The following GRM7 variants were observed in gnomAD, a reference collection of about 807,000 sequenced individuals.
GRM7 encodes metabotropic glutamate receptor 7.
In GRM7, 35 loss-of-function variants were observed where a neutral mutation model predicts 84.5. The observed-to-expected ratio is 0.41, with a 90% confidence interval of 0.32 to 0.55. GRM7 has a LOEUF of 0.55. Ranked by LOEUF, GRM7 falls within the 20% of genes least tolerant of loss-of-function variation. The pLI, the probability that GRM7 is intolerant of heterozygous loss-of-function variation, is 0.19. For missense variants in GRM7, 1,003 were observed against 1,194.6 expected, an observed-to-expected ratio of 0.84 and a Z score of 2.36; for synonymous variants, 487 against 455.1, an observed-to-expected ratio of 1.07 and a Z score of -0.89.
intron 2 of GRM7, among the ~76,000 whole-genome samples, chr3:7,271,469 G>C (rs549890149): frequency 1.3e-5 from 2 of 150,448 alleles, no homozygotes; most frequent in Admixed American, 1.3e-4. Context: ...TGAGGCAGGA[G>C]AATGGCGTGA....
At chr3:7,728,167 C>G (rs1395374698) in intron 9 of GRM7, among the ~76,000 whole-genome samples, 1 of 152,120 alleles carries the variant, frequency 6.6e-6, no homozygotes, top group African/African-American at 2.4e-5. Context: ...GTAGCTCCAG[C>G]CTCAAGGATG....
rs114293196 is a variant in GRM7 at position 7,226,915 on chromosome 3, G to A, written c.737-71769G>A. On this transcript the variant is annotated intron_variant, in intron 2 of 9. Coordinates refer to ENST00000357716, the MANE Select transcript of GRM7 (RefSeq NM_000844.4). Reference sequence around the variant, plus strand: ...TTGAACCACACAAAGCCTAAGAATGGCATTGCTCTGATTTGCTCCCATAAA... The same window carrying A: ...TTGAACCACACAAAGCCTAAGAATGACATTGCTCTGATTTGCTCCCATAAA... Among the ~76,000 whole-genome samples, 627 of 152,214 alleles carry A rather than the reference G, an allele frequency of 4.1e-3. 10 individuals are homozygous for A. In the East Asian group the frequency reaches 0.053, roughly 13 times the overall value.
intron 2 of GRM7, among the ~76,000 whole-genome samples, chr3:7,184,290 C>A (rs1193946984): frequency 6.6e-6 from 1 of 152,136 alleles, no homozygotes; most frequent in Non-Finnish European, 1.5e-5. Context: ...CTTTCCTAGA[C>A]ATTGCCCCTA....
At chr3:7,028,921 A>G (rs1315108180) in intron 1 of GRM7, among the ~76,000 whole-genome samples, 1 of 152,244 alleles carries the variant, frequency 6.6e-6, no homozygotes, top group African/African-American at 2.4e-5. Flanking sequence ...GAAAAACTGG[A>G]ACCCTGTGCA....
At chr3:7,185,075 A>G (rs969175620) in intron 2 of GRM7, among the ~76,000 whole-genome samples, 9 of 152,214 alleles carry the variant, frequency 5.9e-5, no homozygotes, top group African/African-American at 2.2e-4. Flanking sequence ...TGGAAAGTCA[A>G]AATGGCTTGC....
At chr3:7,652,736 C>T (rs1699003111) in intron 8 of GRM7, among the ~76,000 whole-genome samples, 1 of 152,174 alleles carries the variant, frequency 6.6e-6, no homozygotes, top group Non-Finnish European at 1.5e-5. Context: ...TAAGCAAAAC[C>T]CATTTCAGTA....
At position 7,213,992 on chromosome 3, in the gene GRM7, G is replaced by C. The variant is rs565732971; in HGVS notation, c.736+67324G>C. On this transcript the variant is annotated intron_variant, in intron 2 of 9. Transcript: ENST00000357716. ...ACTTCTTGCTAAGTATCTCATTACT[G>C]GATATTTTTTAAATTCTCTTATTCT... Among the ~76,000 whole-genome samples the C allele has an allele frequency of 9.2e-5, 14 of 152,122 alleles. No individual in the cohort carries two copies. The South Asian group carries it at 2.9e-3, about 32-fold the overall frequency.
chr3:7,122,460 T>G (rs1443530283), intron 1 of GRM7, among the ~76,000 whole-genome samples: 1 of 152,148 alleles, frequency 6.6e-6, no homozygotes, highest in Non-Finnish European at 1.5e-5. Context: ...AAAGATAAAA[T>G]GACTACTAAA....
At chr3:7,519,805 T>C (rs1227247595) in intron 7 of GRM7, 1 of 152,246 alleles carries the variant, frequency 6.6e-6, no homozygotes, top group Non-Finnish European at 1.5e-5. Context: ...TAGCGCTACA[T>C]TGCAACAGCT....
chr3:6,876,178 G>A (rs7613112), intron 1 of GRM7, among the ~76,000 whole-genome samples: 1 of 151,692 alleles, frequency 6.6e-6, no homozygotes, highest in Non-Finnish European at 1.5e-5. Flanking sequence ...TGAGGCACAA[G>A]AATCGCTTGA....
intron 9 of GRM7, among the ~76,000 whole-genome samples, chr3:7,731,534 A>C (rs989910631): frequency 6.6e-6 from 1 of 152,192 alleles, no homozygotes; most frequent in African/African-American, 2.4e-5. Context: ...ACTTTGGAAG[A>C]CATTTAGGCT....
At chr3:7,457,635 A>T (rs568301014) in intron 6 of GRM7, among the ~76,000 whole-genome samples, 29 of 152,254 alleles carry the variant, frequency 1.9e-4, no homozygotes, top group South Asian at 8.3e-4. Flanking sequence ...CTTCATCAAG[A>T]GGTGAGATTT....
intron 2 of GRM7, among the ~76,000 whole-genome samples, chr3:7,165,225 A>G (rs1344936383): frequency 6.6e-6 from 1 of 152,232 alleles, no homozygotes. Context: ...GCATCCCAGT[A>G]ACTGCATTTC....
At chr3:7,487,326 C>T (rs906344272) in intron 7 of GRM7, among the ~76,000 whole-genome samples, 1 of 152,174 alleles carries the variant, frequency 6.6e-6, no homozygotes, top group African/African-American at 2.4e-5. Context: ...AGTAAAAACG[C>T]ATGTCCTGAA....
chr3:7,517,767 G>T (rs1030784552), intron 7 of GRM7, among the ~76,000 whole-genome samples: 3 of 152,300 alleles, frequency 2.0e-5, no homozygotes, highest in Non-Finnish European at 2.9e-5. Context: ...ACTGTCTGGG[G>T]ATTATCCCAG....
intron 7 of GRM7, among the ~76,000 whole-genome samples, chr3:7,577,202 A>G (rs911570773): frequency 6.6e-6 from 1 of 152,220 alleles, no homozygotes; most frequent in African/African-American, 2.4e-5. Flanking sequence ...TTGGAATGTT[A>G]TCAGTAGTTG....
chr3:7,050,356 C>T (rs890858088), intron 1 of GRM7, among the ~76,000 whole-genome samples: 2 of 151,872 alleles, frequency 1.3e-5, no homozygotes, highest in African/African-American at 2.4e-5. Context: ...ATAAGAATCT[C>T]ATTTTGCATG....
At chr3:7,203,130 C>G (rs1197577797) in intron 2 of GRM7, among the ~76,000 whole-genome samples, 1 of 152,214 alleles carries the variant, frequency 6.6e-6, no homozygotes, top group Non-Finnish European at 1.5e-5. Flanking sequence ...ATCACCCACT[C>G]TGTTATCAAA....
chr3:7,628,294 GT>G (rs1697711105), intron 8 of GRM7, among the ~76,000 whole-genome samples: 2 of 152,038 alleles, frequency 1.3e-5, no homozygotes, highest in Non-Finnish European at 2.9e-5. Flanking sequence ...CTGTCCTCAG[GT>G]AAAATCTTTG....
Sources: allele counts gnomAD v4.1 joint callset (sites outside exome capture counted in the v4.1 genomes callset), GRCh38; gene constraint gnomAD v4.1.1; transcripts MANE v1.5; gene names NCBI Gene and HGNC (gene_info 2026-07-23, HGNC 2026-07-21).